Variants in CREB3L1 observed in about 807,000 individuals in gnomAD.
The protein encoded by CREB3L1 is cAMP responsive element binding protein 3 like 1.
In CREB3L1, 33 loss-of-function variants were observed where a neutral mutation model predicts 54.5. The ratio of observed to expected loss-of-function variants is 0.61; its 90% CI spans 0.46 to 0.81. The LOEUF is 0.81. Ranked by LOEUF, CREB3L1 falls within the 30% of genes least tolerant of loss-of-function variation. The pLI is 0.00. For synonymous variants in CREB3L1, 284 were observed against 286.4 expected (o/e 0.99, Z 0.08); for missense variants, 656 against 673.3 (o/e 0.97, Z 0.29).
chr11:46,310,156 T>G, intron 4 of CREB3L1, 89 bp downstream of exon 4: 14 of 940,396 alleles, frequency 1.5e-5, no homozygotes, highest in Non-Finnish European at 2.0e-5. Flanking sequence ...TCCCTATCTC[T>G]TGACAACCTT....
rs141633711 is a variant in CREB3L1, at chr11:46,293,812, C to T, written c.103-6123C>T. Among the ~76,000 whole-genome samples, 499 of 152,250 alleles carry T rather than the reference C, an allele frequency of 3.3e-3. 4 individuals carry two copies. Among genetic ancestry groups the T allele is most frequent in the African/African-American group, 0.011 (473 of 41,534 alleles). On this transcript the variant is annotated intron_variant, in intron 1 of 11. Transcript: ENST00000621158. Reference sequence around the variant, plus strand: ...ATGTGAGATGGTGTGTGTGTGACAGCGAGTATGCGTGACCATGTCTGTGTG... The same window carrying T: ...ATGTGAGATGGTGTGTGTGTGACAGTGAGTATGCGTGACCATGTCTGTGTG...
intron 1 of CREB3L1, among the ~76,000 whole-genome samples, chr11:46,280,218 T>A (rs1938949082): frequency 1.3e-5 from 2 of 150,704 alleles, no homozygotes; most frequent in Admixed American, 6.6e-5. Flanking sequence ...GACGGAGTCT[T>A]GCTCTGTCGC....
intron 1 of CREB3L1, among the ~76,000 whole-genome samples, chr11:46,288,769 T>C (rs1352648320): frequency 6.6e-6 from 1 of 152,174 alleles, no homozygotes; most frequent in Non-Finnish European, 1.5e-5. Context: ...GGATCATTCT[T>C]TCAGCAACCA....
chr11:46,316,730 A>G (rs1286280960), intron 9 of CREB3L1, among the ~76,000 whole-genome samples: 1 of 152,152 alleles, frequency 6.6e-6, no homozygotes, highest in Non-Finnish European at 1.5e-5. Context: ...AAGAACGGAC[A>G]TGGTTCTTTC....
At chr11:46,288,272 G>A (rs960892509) in intron 1 of CREB3L1, among the ~76,000 whole-genome samples, 1 of 152,060 alleles carries the variant, frequency 6.6e-6, no homozygotes, top group African/African-American at 2.4e-5. Flanking sequence ...AGCAGAGATG[G>A]GGTTTTGTTA....
chr11:46,310,910 C>T lies in CREB3L1; in HGVS notation c.596-122C>T, dbSNP rs1010221965. On this transcript the variant is annotated intron_variant, in intron 4 of 11. Coordinates refer to ENST00000621158, the MANE Select transcript of CREB3L1 (RefSeq NM_052854.4). ...TTCTGATGTCATAGCTGAGACCAAGCGCCTGGCAGTCCGTGTCCCACAATG... is the reference window on the plus strand; with the variant it reads ...TTCTGATGTCATAGCTGAGACCAAGTGCCTGGCAGTCCGTGTCCCACAATG... 1.1e-4 allele frequency: 159 copies of T among 1,403,574 alleles called. 1 individual carries two copies. Among genetic ancestry groups the T allele is most frequent in the Non-Finnish European group, 1.4e-4 (152 of 1,066,748 alleles). 86.9% of individuals were successfully genotyped at this position (1,403,574 alleles called of 1,614,324 possible).
intron 10 of CREB3L1, among the ~76,000 whole-genome samples, chr11:46,319,857 C>T (rs897210605): frequency 1.0e-4 from 15 of 145,992 alleles, no homozygotes; most frequent in African/African-American, 7.8e-5. Context: ...CCAGCCTGGG[C>T]GACAGAGCAA....
Position 46,300,114 on chromosome 11 carries a change from A to G in CREB3L1, c.282A>G (p.Ser94=), listed in dbSNP as rs1296198847. The G allele has an allele frequency of 6.2e-7, 1 of 1,613,682 alleles. No individual in the cohort carries two copies. Among genetic ancestry groups the G allele is most frequent in the Non-Finnish European group, 8.5e-7 (1 of 1,179,738 alleles). ...AEHSYSLSGD[S]APQSPLVPIK... ...ACAGCTACTCCCTGAGCGGCGACTC[A>G]GCGCCCCAGAGCCCCCTTGTGCCCA... The change falls in exon 2 of 12, where the codon TCA becomes TCG. Residue 94 remains serine, a synonymous_variant. Coordinates refer to ENST00000621158, the MANE Select transcript of CREB3L1 (RefSeq NM_052854.4).
At chr11:46,291,084 G>A (rs935583085) in intron 1 of CREB3L1, among the ~76,000 whole-genome samples, 1 of 152,214 alleles carries the variant, frequency 6.6e-6, no homozygotes, top group African/African-American at 2.4e-5. Context: ...TATGATGGCA[G>A]GAGGGAGGCA....
chr11:46,302,953 C>T lies in CREB3L1; in HGVS notation c.331+2790C>T, dbSNP rs183483284. Among the ~76,000 whole-genome samples the T allele has an allele frequency of 1.7e-4, 26 of 152,058 alleles. No individual in the cohort carries two copies. In the South Asian group the frequency reaches 2.1e-3, roughly 12 times the overall value. On this transcript the variant is annotated intron_variant, in intron 2 of 11. Transcript: ENST00000621158. Reference sequence around the variant, plus strand: ...CTGAGATTGCACCACTGCACTCCAGCGGAGGTGACAAAGCGAGATTCTGTC... The same window carrying T: ...CTGAGATTGCACCACTGCACTCCAGTGGAGGTGACAAAGCGAGATTCTGTC...
intron 5 of CREB3L1, among the ~76,000 whole-genome samples, chr11:46,311,784 C>T (rs2136354779): frequency 6.6e-6 from 1 of 152,336 alleles, no homozygotes; most frequent in East Asian, 1.9e-4. Context: ...GCGTGAGCCA[C>T]CGCATCTGGT....
chr11:46,308,109 A>C, intron 3 of CREB3L1, 109 bp downstream of exon 3: 1 of 1,077,428 alleles, frequency 9.3e-7, no homozygotes, highest in Non-Finnish European at 1.3e-6. Context: ...ACAGGAAGAC[A>C]TGAGCCTCAG....
intron 10 of CREB3L1, among the ~76,000 whole-genome samples, chr11:46,318,217 CA>C (rs11422396): frequency 3.4e-5 from 5 of 147,904 alleles, no homozygotes; most frequent in Admixed American, 2.0e-4. Flanking sequence ...GACTCCATCT[CA>C]AAAAAAAAAG....
chr11:46,300,071 C>G lies in CREB3L1; in HGVS notation c.239C>G (p.Pro80Arg), dbSNP rs777028348. ...GACATGGAACTGGACTCCCCTACGC[C>G]AGGCATCCAGGCGGAGCACAGCTAC... ...LLDMELDSPT[P>R]GIQAEHSYSL... is the part of the protein sequence containing the mutation. The change falls in exon 2 of 12, where the codon CCA (proline) becomes CGA (arginine). Residue 80 changes from proline to arginine, a missense_variant. Physicochemically the swap from Pro to Arg is moderately radical, Grantham distance 103. This residue lies in a region of CREB3L1 where 339 missense variants were observed against 331.5 expected (regional missense o/e 1.02). Transcript: ENST00000621158. 6.2e-7 allele frequency: 1 copy of G among 1,613,956 alleles called. No homozygotes were observed. Among genetic ancestry groups the G allele is most frequent in the East Asian group, 2.2e-5 (1 of 44,882 alleles).
At chr11:46,281,471 G>A (rs1938972197) in intron 1 of CREB3L1, among the ~76,000 whole-genome samples, 1 of 152,232 alleles carries the variant, frequency 6.6e-6, no homozygotes, top group Non-Finnish European at 1.5e-5. Context: ...GAGGGTGTGG[G>A]GAGGAGAAGG....
chr11:46,302,143 G>A lies in CREB3L1; in HGVS notation c.331+1980G>A, dbSNP rs867555107. Among the ~76,000 whole-genome samples the A allele has an allele frequency of 3.3e-5, 5 of 149,334 alleles. No individual in the cohort carries two copies. In the South Asian group the frequency reaches 8.5e-4, roughly 25 times the overall value. On this transcript the variant is annotated intron_variant, in intron 2 of 11. Transcript: ENST00000621158. The stretch of plus-strand genomic sequence containing the variant: ...AGATTGCGTCACTGCATTCCAGCCT[G>A]GGCAACAGAGCGAGGCTCCGTCTCA...
At chr11:46,320,551 C>A in intron 11 of CREB3L1, 23 bp downstream of exon 11, 2 of 1,559,132 alleles carry the variant, frequency 1.3e-6, no homozygotes, top group African/African-American at 1.4e-5. Context: ...GCCCCTTTCC[C>A]TCCTGAGGTC....
chr11:46,289,883 G>A (rs537130341), intron 1 of CREB3L1, among the ~76,000 whole-genome samples: 1 of 152,296 alleles, frequency 6.6e-6, no homozygotes, highest in South Asian at 2.1e-4. Context: ...CCAGGTGATG[G>A]TCACCAGCTC....
chr11:46,290,571 A>C (rs1325904947), intron 1 of CREB3L1, among the ~76,000 whole-genome samples: 1 of 151,620 alleles, frequency 6.6e-6, no homozygotes, highest in Non-Finnish European at 1.5e-5. Flanking sequence ...CCTCCCAGTT[A>C]GCTCCCATCT....
Sources: gnomAD v4.1 joint callset for allele counts (sites outside exome capture counted in the v4.1 genomes callset) on GRCh38, gnomAD v4.1.1 for gene constraint, gnomAD v4.1.1 regional missense constraint, MANE v1.5 for transcripts, NCBI Gene and HGNC (gene_info 2026-07-23, HGNC 2026-07-21) for gene names.